Variants in NSUN6 observed in about 807,000 individuals in gnomAD.
NSUN6 encodes NOP2/Sun RNA methyltransferase 6, also known as tRNA (cytosine(72)-C(5))-methyltransferase NSUN6.
A neutral mutation model predicts 58.0 loss-of-function variants in NSUN6; 64 were observed. The ratio of observed to expected loss-of-function variants is 1.10; its 90% CI spans 0.90 to 1.36. The LOEUF is 1.36. NSUN6 is among the 40% of genes most tolerant of loss of function. NSUN6 has a pLI of 0.00. For synonymous variants in NSUN6, 231 were observed against 193.9 expected (o/e 1.19, Z -1.59); for missense variants, 701 against 550.1 (o/e 1.27, Z -2.74).
At chr10:18,579,338 T>G (rs1409594532) in intron 8 of NSUN6, among the ~76,000 whole-genome samples, 1 of 152,052 alleles carries the variant, frequency 6.6e-6, no homozygotes, top group Non-Finnish European at 1.5e-5. Context: ...ATCCAGCTAA[T>G]TTTTTGTATT....
intron 9 of NSUN6, 75 bp from the exon 10 acceptor site, chr10:18,548,312 TATA>T (rs2054407844): frequency 2.4e-6 from 3 of 1,259,386 alleles, no homozygotes; most frequent in Non-Finnish European, 3.3e-6. Flanking sequence ...AAGCAAAAGG[TATA>T]ATGTCTTTCA....
chr10:18,656,518 C>T (rs1210053068), upstream of NSUN6, among the ~76,000 whole-genome samples: 1 of 152,140 alleles, frequency 6.6e-6, no homozygotes, highest in Non-Finnish European at 1.5e-5. Flanking sequence ...GCCTAGGTGA[C>T]AGAGTGAGAC....
At chr10:18,566,284 CATCCCATTCT>C (rs2055934794) in intron 8 of NSUN6, among the ~76,000 whole-genome samples, 1 of 132,688 alleles carries the variant, frequency 7.5e-6, no homozygotes, top group Non-Finnish European at 1.8e-5. Flanking sequence ...TTCCATTCTC[CATCCCATTCT>C]ATTCCATTCT....
In NSUN6 at chr10:18,589,483, A is replaced by G. The variant is rs561751595; in HGVS notation, c.778-3390T>C. Among the ~76,000 whole-genome samples the G allele has an allele frequency of 1.7e-4, 26 of 152,300 alleles. No individual in the cohort carries two copies. In the East Asian group the frequency reaches 3.3e-3, roughly 19 times the overall value. ...ACATAATCAGATTTTCAAAGGTTGA[A>G]GCAAAGGTTAAGGGCAGCCAGAAAG... is the stretch of plus-strand genomic sequence containing the variant. On this transcript the variant is annotated intron_variant, in intron 7 of 10. Transcript: ENST00000377304.
At chr10:18,584,253 G>C (rs898861809) in intron 8 of NSUN6, among the ~76,000 whole-genome samples, 1 of 152,168 alleles carries the variant, frequency 6.6e-6, no homozygotes, top group African/African-American at 2.4e-5. Context: ...TGTTAGATTA[G>C]GCACCAGCTA....
intron 6 of NSUN6, among the ~76,000 whole-genome samples, chr10:18,600,993 T>TATACATATATATATATGTA (rs1554870074): frequency 7.9e-6 from 1 of 126,398 alleles, no homozygotes; most frequent in Non-Finnish European, 1.7e-5. Context: ...TATATATATA[T>TATACATATATATATATGTA]TATATACTAG....
At chr10:18,655,025 C>G (rs994225258), upstream of NSUN6, 2 of 969,796 alleles carry the variant, frequency 2.1e-6, no homozygotes, top group African/African-American at 3.5e-5. Context: ...TATACCTTAC[C>G]GAGAACTTCC....
At chr10:18,639,175 TCATTTCTCA>T (rs2059317637) in intron 3 of NSUN6, among the ~76,000 whole-genome samples, 1 of 152,070 alleles carries the variant, frequency 6.6e-6, no homozygotes. Flanking sequence ...AGGAACCTCC[TCATTTCTCA>T]TAATGGAAAG....
At chr10:18,576,981 A>C (rs969117104) in intron 8 of NSUN6, among the ~76,000 whole-genome samples, 1 of 152,194 alleles carries the variant, frequency 6.6e-6, no homozygotes, top group African/African-American at 2.4e-5. Flanking sequence ...TCTCATGGGG[A>C]ATACCAGATC....
At chr10:18,613,986 G>A (rs916431874) in intron 5 of NSUN6, among the ~76,000 whole-genome samples, 6 of 152,106 alleles carry the variant, frequency 3.9e-5, no homozygotes, top group Non-Finnish European at 5.9e-5. Flanking sequence ...TTTTAATTTA[G>A]TTTGAACAAA....
At position 18,545,716 on chromosome 10, in the gene NSUN6, T is replaced by TA. The variant is rs905589255; in HGVS notation, c.*216dup. 0.034 allele frequency: 12,824 copies of TA among 381,546 alleles called. No individual in the cohort carries two copies. Among genetic ancestry groups the TA allele is most frequent in the Middle Eastern group, 0.047 (65 of 1,392 alleles). 23.6% of individuals were successfully genotyped at this position (381,546 alleles called of 1,614,324 possible). On this transcript the variant is annotated 3_prime_UTR_variant, in exon 11 of 11. Coordinates refer to ENST00000377304, the MANE Select transcript of NSUN6 (RefSeq NM_182543.5). ...TTTTCTTTATACTCTACTAAATACATAAAAAAAAAAAATCTTTTAAAAACA... is the reference window on the plus strand; with the variant it reads ...TTTTCTTTATACTCTACTAAATACATAAAAAAAAAAAAATCTTTTAAAAACA...
chr10:18,547,644 T>C (rs908638104), intron 10 of NSUN6, among the ~76,000 whole-genome samples: 1 of 152,164 alleles, frequency 6.6e-6, no homozygotes, highest in Non-Finnish European at 1.5e-5. Flanking sequence ...TTAAATATTA[T>C]ACATTTTATA....
intron 3 of NSUN6, among the ~76,000 whole-genome samples, chr10:18,622,026 T>C (rs1278927779): frequency 2.7e-5 from 4 of 150,938 alleles, no homozygotes; most frequent in South Asian, 4.2e-4. Flanking sequence ...TATATATATA[T>C]ATATACGAAT....
upstream of NSUN6, chr10:18,659,165 A>T (rs568066454): frequency 6.5e-4 from 106 of 163,078 alleles, 2 homozygotes; most frequent in South Asian, 1.6e-3. Flanking sequence ...GCACGCACCA[A>T]GGGAAATTTC....
At chr10:18,585,297 C>T (rs577674666) in intron 8 of NSUN6, among the ~76,000 whole-genome samples, 2 of 152,238 alleles carry the variant, frequency 1.3e-5, no homozygotes, top group Non-Finnish European at 1.5e-5. Flanking sequence ...AATTACCCAG[C>T]AATCCTACTA....
chr10:18,658,473 A>T (rs1169277874), upstream of NSUN6: 2 of 157,764 alleles, frequency 1.3e-5, no homozygotes, highest in African/African-American at 2.4e-5. Flanking sequence ...CCAGGCTGTG[A>T]AGCTTTTCTT....
At chr10:18,557,507 A>G (rs2055127688) in intron 8 of NSUN6, among the ~76,000 whole-genome samples, 1 of 150,990 alleles carries the variant, frequency 6.6e-6, no homozygotes, top group Non-Finnish European at 1.5e-5. Flanking sequence ...GGAATGGAGA[A>G]TAGAATGGAA....
intron 3 of NSUN6, among the ~76,000 whole-genome samples, chr10:18,627,877 T>C (rs908346574): frequency 6.6e-5 from 10 of 152,200 alleles, no homozygotes; most frequent in Admixed American, 1.3e-4. Flanking sequence ...ACAAAGCAGC[T>C]AGGAAGCTCC....
In NSUN6 at chr10:18,561,067, A is replaced by AGAAAATGGAATGGAATGGAGGATGGTATG. The variant is rs2055465520; in HGVS notation, c.923-9097_923-9096insCATACCATCCTCCATTCCATTCCATTTTC. On this transcript the variant is annotated intron_variant, in intron 8 of 10. Coordinates refer to ENST00000377304, the MANE Select transcript of NSUN6 (RefSeq NM_182543.5). ...TGCAGAATGGAATGGAGGATGGTAT[A>AGAAAATGGAATGGAATGGAGGATGGTATG]GAAAATGGAATGGAATGGAGAATGG... is the stretch of plus-strand genomic sequence containing the variant. 1.4e-5 allele frequency among the ~76,000 whole-genome samples: 2 copies of AGAAAATGGAATGGAATGGAGGATGGTATG among 147,136 alleles called. 1 individual carries two copies. Among genetic ancestry groups the AGAAAATGGAATGGAATGGAGGATGGTATG allele is most frequent in the Non-Finnish European group, 3.0e-5 (2 of 66,570 alleles).
Sources: gnomAD v4.1 joint callset for allele counts (sites outside exome capture counted in the v4.1 genomes callset) on GRCh38, gnomAD v4.1.1 for gene constraint, MANE v1.5 for transcripts, NCBI Gene and HGNC (gene_info 2026-07-23, HGNC 2026-07-21) for gene names.